CSGALNACT1: variants seen among roughly 807,000 people sequenced by gnomAD.
CSGALNACT1 encodes chondroitin sulfate N-acetylgalactosaminyltransferase 1, also known as beta4GalNAcT-1.
Under a neutral mutation model 51.0 loss-of-function variants are expected in CSGALNACT1, and 52 were observed. The observed-to-expected ratio is 1.02, with a 90% CI of 0.82 to 1.29. The LOEUF is 1.29. Ranked by LOEUF, CSGALNACT1 falls within the 50% of genes most tolerant of loss-of-function variation. CSGALNACT1 has a pLI of 0.00. For synonymous variants in CSGALNACT1, 341 were observed against 254.4 expected, an observed-to-expected ratio of 1.34 and a Z score of -3.24; for missense variants, 935 against 679.2, an observed-to-expected ratio of 1.38 and a Z score of -4.19.
At chr8:19,623,055 A>T (rs1303690878) in intron 1 of CSGALNACT1, among the ~76,000 whole-genome samples, 5 of 151,252 alleles carry the variant, frequency 3.3e-5, no homozygotes, top group African/African-American at 1.2e-4. Flanking sequence ...CAGAACTTAA[A>T]GTAAAGTAAA....
intron 4 of CSGALNACT1, among the ~76,000 whole-genome samples, chr8:19,491,444 A>G (rs554520674): frequency 6.6e-6 from 1 of 152,348 alleles, no homozygotes; most frequent in South Asian, 2.1e-4. Flanking sequence ...TACTTTACAG[A>G]ATGATAGAAA....
Position 19,597,978 on chromosome 8 carries a change from G to A in CSGALNACT1, c.-416+3793C>T, listed in dbSNP as rs976305809. Among the ~76,000 whole-genome samples the A allele has an allele frequency of 2.0e-5, 3 of 152,246 alleles. 1 individual carries two copies. The highest frequency in any genetic ancestry group is 7.2e-5 in the African/African-American group (3 of 41,464). On this transcript the variant is annotated intron_variant, in intron 2 of 9. Transcript: ENST00000454498. ...CAATGGCCCAGCCCCATCCCAGCCT[G>A]GGGCTCAGCAAAGGCTCCCCCCTTA...
chr8:19,536,562 T>G (rs895102717), intron 3 of CSGALNACT1, among the ~76,000 whole-genome samples: 4 of 152,216 alleles, frequency 2.6e-5, no homozygotes, highest in African/African-American at 9.6e-5. Context: ...AATCAGGAGT[T>G]ACATGACTCA....
At chr8:19,472,598 G>A (rs906027972) in intron 4 of CSGALNACT1, among the ~76,000 whole-genome samples, 5 of 152,220 alleles carry the variant, frequency 3.3e-5, no homozygotes, top group Admixed American at 1.3e-4. Context: ...AAGGGCACAC[G>A]AGTAAGAATC....
At chr8:19,490,744 CA>C (rs1017315930) in intron 4 of CSGALNACT1, among the ~76,000 whole-genome samples, 6 of 152,090 alleles carry the variant, frequency 3.9e-5, no homozygotes, top group Admixed American at 3.9e-4. Flanking sequence ...TCTCCTTCCC[CA>C]AAAAACCCTC....
chr8:19,554,575 A>G (rs1485184850), intron 3 of CSGALNACT1, among the ~76,000 whole-genome samples: 1 of 48,822 alleles, frequency 2.0e-5, no homozygotes, highest in Non-Finnish European at 3.7e-5. Context: ...ATATACCAGG[A>G]AATAACTGTA....
chr8:19,749,037 GT>G (rs1440340427), intron 1 of CSGALNACT1, among the ~76,000 whole-genome samples: 1 of 151,594 alleles, frequency 6.6e-6, no homozygotes, highest in Non-Finnish European at 1.5e-5. Flanking sequence ...GCATGACTCC[GT>G]CTCCCAGGCC....
chr8:19,709,733 C>T, intron 1 of CSGALNACT1, among the ~76,000 whole-genome samples: 1 of 152,158 alleles, frequency 6.6e-6, no homozygotes, highest in Middle Eastern at 3.2e-3. Context: ...TGCCCCCCCG[C>T]CCAGAGTCTG....
chr8:19,469,113 A>T lies in CSGALNACT1; in HGVS notation c.635-10471T>A, dbSNP rs567496454. 8.5e-5 allele frequency among the ~76,000 whole-genome samples: 13 copies of T among 152,258 alleles called. No homozygotes were observed. In the South Asian group the frequency reaches 1.9e-3, roughly 22 times the overall value. On this transcript the variant is annotated intron_variant, in intron 4 of 9. Transcript: ENST00000454498. ...AGGATGAAATTGGCCCACTGCCCTG[A>T]GTGCGGTGGCTCATACTTGTAATCC...
intron 1 of CSGALNACT1, among the ~76,000 whole-genome samples, chr8:19,635,791 G>A (rs557180620): frequency 6.6e-6 from 1 of 152,138 alleles, no homozygotes; most frequent in Non-Finnish European, 1.5e-5. Flanking sequence ...GTAGTGGCGT[G>A]ATCTCCGTTC....
intron 1 of CSGALNACT1, among the ~76,000 whole-genome samples, chr8:19,718,993 T>C (rs935679919): frequency 6.6e-6 from 1 of 152,228 alleles, no homozygotes; most frequent in African/African-American, 2.4e-5. Flanking sequence ...AGTAACCATC[T>C]ATCTCTGTCT....
intron 2 of CSGALNACT1, among the ~76,000 whole-genome samples, chr8:19,600,158 C>G (rs1211139896): frequency 6.6e-6 from 1 of 152,188 alleles, no homozygotes; most frequent in East Asian, 1.9e-4. Flanking sequence ...TCTTGGCTCA[C>G]TGCAACCTCC....
intron 1 of CSGALNACT1, among the ~76,000 whole-genome samples, chr8:19,681,989 G>A (rs1052399687): frequency 6.6e-6 from 1 of 152,208 alleles, no homozygotes; most frequent in Non-Finnish European, 1.5e-5. Context: ...CATAAGAGAG[G>A]TTGTCTGCAG....
chr8:19,418,162 G>T (rs574106332), intron 8 of CSGALNACT1, among the ~76,000 whole-genome samples: 1 of 152,138 alleles, frequency 6.6e-6, no homozygotes, highest in Non-Finnish European at 1.5e-5. Context: ...GGAAGGGAAC[G>T]GTGGCATGAC....
exon 10 of CSGALNACT1, chr8:19,406,039 C>A: frequency 6.2e-7 from 1 of 1,614,196 alleles, no homozygotes; most frequent in Non-Finnish European, 8.5e-7. Flanking sequence ...ATCCTCTCCG[C>A]CCCAGCCTTT....
At chr8:19,494,367 G>C (rs1296060707) in intron 4 of CSGALNACT1, among the ~76,000 whole-genome samples, 1 of 152,160 alleles carries the variant, frequency 6.6e-6, no homozygotes, top group African/African-American at 2.4e-5. Flanking sequence ...ATGCTCAAGA[G>C]TAGCCTTCCC....
At chr8:19,513,397 T>G (rs575377977) in intron 3 of CSGALNACT1, among the ~76,000 whole-genome samples, 1 of 142,376 alleles carries the variant, frequency 7.0e-6, no homozygotes, top group East Asian at 2.1e-4. Flanking sequence ...ATTCTGTTCA[T>G]AGAATTTTCT....
At chr8:19,446,512 C>T (rs994656093) in intron 5 of CSGALNACT1, among the ~76,000 whole-genome samples, 4 of 152,100 alleles carry the variant, frequency 2.6e-5, no homozygotes, top group Admixed American at 1.3e-4. Context: ...TTCATTCATT[C>T]ATTCATTCAT....
At chr8:19,651,051 T>C (rs2057759251) in intron 1 of CSGALNACT1, among the ~76,000 whole-genome samples, 1 of 152,158 alleles carries the variant, frequency 6.6e-6, no homozygotes, top group East Asian at 1.9e-4. Context: ...GAACATTTCC[T>C]CTGGGCCTTG....
Sources: allele counts gnomAD v4.1 joint callset (sites outside exome capture counted in the v4.1 genomes callset), GRCh38; gene constraint gnomAD v4.1.1; transcripts MANE v1.5; gene names NCBI Gene and HGNC (gene_info 2026-07-23, HGNC 2026-07-21).